Variants in ITGB5 observed in about 807,000 individuals in gnomAD.
The protein encoded by ITGB5 is integrin beta-5.
Under a neutral mutation model 84.8 loss-of-function variants are expected in ITGB5, and 38 were observed. The observed-to-expected ratio is 0.45, with a 90% CI of 0.35 to 0.59. The LOEUF is 0.59. ITGB5 is among the 20% of genes least tolerant of loss of function. The pLI is 0.01. For synonymous variants in ITGB5, 393 were observed against 414.4 expected (o/e 0.95, Z 0.63); for missense variants, 905 against 1,034.5 (o/e 0.87, Z 1.72).
At chr3:124,796,060 G>A (rs6768788) in intron 10 of ITGB5, among the ~76,000 whole-genome samples, 1,631 of 152,326 alleles carry the variant, frequency 0.011, 24 homozygotes, top group African/African-American at 0.037. Context: ...CGTCCCAGGA[G>A]GCAATCAAGA....
At chr3:124,823,437 A>G (rs1313626959) in intron 5 of ITGB5, among the ~76,000 whole-genome samples, 1 of 151,844 alleles carries the variant, frequency 6.6e-6, no homozygotes, top group African/African-American at 2.4e-5. Flanking sequence ...AGGAACCTGG[A>G]GTGAGAAGCC....
intron 10 of ITGB5, among the ~76,000 whole-genome samples, chr3:124,775,274 ATGTT>A (rs202091318): frequency 0.027 from 4,060 of 151,714 alleles, 66 homozygotes; most frequent in South Asian, 0.049. Flanking sequence ...ATTTAAGTGT[ATGTT>A]TGTGAGTGGG....
chr3:124,893,224 A>T (rs1382041081), intron 1 of ITGB5, among the ~76,000 whole-genome samples: 1 of 152,278 alleles, frequency 6.6e-6, no homozygotes, highest in South Asian at 2.1e-4. Flanking sequence ...CCTGGCCAAC[A>T]TGGTGAAAAC....
At chr3:124,770,700 G>A (rs760614736) in intron 11 of ITGB5, among the ~76,000 whole-genome samples, 2 of 152,178 alleles carry the variant, frequency 1.3e-5, no homozygotes, top group Non-Finnish European at 2.9e-5. Context: ...ATGCTTAGGA[G>A]CTCAACCATC....
intron 10 of ITGB5, among the ~76,000 whole-genome samples, chr3:124,795,375 G>C (rs752978251): frequency 6.6e-6 from 1 of 151,980 alleles, no homozygotes; most frequent in Non-Finnish European, 1.5e-5. Context: ...TATAATCCCA[G>C]CTACTCGGGA....
Position 124,762,372 on chromosome 3 carries a change from T to G in ITGB5, c.*1251A>C, listed in dbSNP as rs2063707859. The G allele has an allele frequency of 6.6e-6, 1 of 152,200 alleles. No homozygotes were observed. Among genetic ancestry groups the G allele is most frequent in the Admixed American group, 6.5e-5 (1 of 15,284 alleles). The allele number at this position is 152,200 out of a possible 1,614,324, so 9.4% of individuals were successfully genotyped here. A position where few individuals can be genotyped will look rare whatever the true frequency, so the allele number is the denominator to read the frequency against. On this transcript the variant is annotated 3_prime_UTR_variant, in exon 15 of 15. Coordinates refer to ENST00000296181, the MANE Select transcript of ITGB5 (RefSeq NM_002213.5). ...GAGATGGGGTCTTAGGAACAGTTTG[T>G]CATTCAGTAACCTCCTAACAAACAC...
At chr3:124,835,211 C>T (rs768294165) in intron 5 of ITGB5, among the ~76,000 whole-genome samples, 4 of 152,208 alleles carry the variant, frequency 2.6e-5, no homozygotes, top group Non-Finnish European at 4.4e-5. Context: ...CAGTTCCCAC[C>T]GCTCAACCCA....
At chr3:124,833,045 T>C (rs2107580881) in intron 5 of ITGB5, 1 of 152,336 alleles carries the variant, frequency 6.6e-6, no homozygotes, top group Middle Eastern at 3.4e-3. Flanking sequence ...ACATTCTTTT[T>C]AGTTTGTTTT....
chr3:124,825,213 AAAG>A (rs1329928323), intron 5 of ITGB5, among the ~76,000 whole-genome samples: 1 of 152,082 alleles, frequency 6.6e-6, no homozygotes, highest in African/African-American at 2.4e-5. Flanking sequence ...AAAAAAAAAA[AAAG>A]TGGAAAGATT....
upstream of ITGB5, chr3:124,887,696 C>G: frequency 2.2e-6 from 1 of 453,288 alleles, no homozygotes; most frequent in South Asian, 1.6e-5. Flanking sequence ...CTGTATTAGG[C>G]GAGCCGAGAT....
chr3:124,784,594 T>G (rs1262648030), intron 10 of ITGB5, among the ~76,000 whole-genome samples: 1 of 152,244 alleles, frequency 6.6e-6, no homozygotes, highest in Non-Finnish European at 1.5e-5. Context: ...AATCCTGTGT[T>G]CTTTAATGAA....
chr3:124,783,606 A>G (rs868253559), intron 10 of ITGB5, among the ~76,000 whole-genome samples: 1 of 152,252 alleles, frequency 6.6e-6, no homozygotes, highest in Non-Finnish European at 1.5e-5. Flanking sequence ...AAGACATCCA[A>G]TGCTGGACAT....
chr3:124,773,895 A>G lies in ITGB5; in HGVS notation c.1711T>C (p.Cys571Arg). 1 of 1,614,182 alleles carries G rather than the reference A, an allele frequency of 6.2e-7. No homozygotes were observed. The highest frequency in any genetic ancestry group is 8.5e-7 in the Non-Finnish European group (1 of 1,180,042). Reference sequence around the variant, plus strand: ...CCTGCATGGCACTTGCATTCCCCGCAGTGACACTCGCCATGGCCTAAAAGG... The same window carrying G: ...CCTGCATGGCACTTGCATTCCCCGCGGTGACACTCGCCATGGCCTAAAAGG... Reference protein sequence around the residue: ...VLCSGHGECHCGECKCHAGYI... With the variant: ...VLCSGHGECHRGECKCHAGYI... The change falls in exon 11 of 15, where the codon TGC becomes CGC. Residue 571 changes from cysteine to arginine, a missense_variant. This residue lies in a region of ITGB5 where 656 missense variants were observed against 734.7 expected (regional missense o/e 0.89). Coordinates refer to ENST00000296181, the MANE Select transcript of ITGB5 (RefSeq NM_002213.5).
chr3:124,816,713 G>A (rs1353318376), intron 8 of ITGB5, among the ~76,000 whole-genome samples: 4 of 152,086 alleles, frequency 2.6e-5, no homozygotes, highest in Non-Finnish European at 5.9e-5. Flanking sequence ...GGGAAAGGAG[G>A]GTAGGAAAGA....
chr3:124,870,836 G>A (rs1406546633), intron 2 of ITGB5, among the ~76,000 whole-genome samples: 1 of 152,142 alleles, frequency 6.6e-6, no homozygotes, highest in Non-Finnish European at 1.5e-5. Flanking sequence ...TGGATAGACA[G>A]ATGGAGACAG....
chr3:124,835,327 C>T (rs1443000213), intron 5 of ITGB5, among the ~76,000 whole-genome samples: 2 of 152,206 alleles, frequency 1.3e-5, no homozygotes, highest in African/African-American at 2.4e-5. Context: ...CCTCAGAGAC[C>T]AAAACAGTAG....
In ITGB5 at chr3:124,859,339, G is replaced by A; in HGVS notation, c.264C>T (p.Val88=). Residue 88 remains valine (V), a synonymous_variant, in exon 3 of 15, where the codon GTC becomes GTT. Coordinates refer to ENST00000296181, the MANE Select transcript of ITGB5 (RefSeq NM_002213.5). ...TGCTGCTGAGGGGCAGGCTCCTCAG[G>A]ACATGGAAGCTGCTGGCTGGGCTCT... is the stretch of plus-strand genomic sequence containing the variant. ...EIESPASSFH[V]LRSLPLSSKG... 1 of 1,614,144 alleles carries A rather than the reference G, an allele frequency of 6.2e-7. No individual in the cohort carries two copies. The highest frequency in any genetic ancestry group is 8.5e-7 in the Non-Finnish European group (1 of 1,180,028).
chr3:124,865,477 T>C (rs1015676625), intron 2 of ITGB5, among the ~76,000 whole-genome samples: 2 of 74,782 alleles, frequency 2.7e-5, no homozygotes, highest in African/African-American at 1.2e-4. Context: ...TTTGCGGCTT[T>C]TTTCTTTTTT....
At chr3:124,803,074 G>A (rs779071086) in intron 9 of ITGB5, among the ~76,000 whole-genome samples, 1 of 152,190 alleles carries the variant, frequency 6.6e-6, no homozygotes, top group East Asian at 1.9e-4. Flanking sequence ...GTGTCGCTTC[G>A]AATGCTCTAA....
Sources: gnomAD v4.1 joint callset for allele counts (sites outside exome capture counted in the v4.1 genomes callset) on GRCh38, gnomAD v4.1.1 for gene constraint, gnomAD v4.1.1 regional missense constraint, MANE v1.5 for transcripts, NCBI Gene and HGNC (gene_info 2026-07-23, HGNC 2026-07-21) for gene names.